NCKAP5: variants seen among roughly 807,000 people sequenced by gnomAD.
NCKAP5 encodes NCK associated protein 5.
In NCKAP5, 92 loss-of-function variants were observed where a neutral mutation model predicts 167.0. That is an observed-to-expected ratio of 0.55 (90% confidence interval 0.47 to 0.66). NCKAP5 has a LOEUF of 0.66. Among genes scored for constraint, NCKAP5 ranks in the 30% least tolerant of loss-of-function variants. The pLI, the probability that NCKAP5 is intolerant of heterozygous loss-of-function variation, is 0.00. For synonymous variants in NCKAP5, 891 were observed against 877.4 expected (o/e 1.02, Z -0.27); for missense variants, 2,378 against 2,315.0 (o/e 1.03, Z -0.56).
chr2:132,838,414 G>A (rs1012703356), intron 11 of NCKAP5, among the ~76,000 whole-genome samples: 3 of 152,174 alleles, frequency 2.0e-5, no homozygotes, highest in Admixed American at 1.3e-4. Flanking sequence ...GGTGGATCAC[G>A]AGGTCAGGAG....
At chr2:133,105,623 G>A (rs1422642742) in intron 6 of NCKAP5, among the ~76,000 whole-genome samples, 1 of 152,100 alleles carries the variant, frequency 6.6e-6, no homozygotes, top group African/African-American at 2.4e-5. Context: ...GCCAGACACA[G>A]CCCATCCACT....
chr2:133,486,394 G>A (rs941796747), intron 3 of NCKAP5, among the ~76,000 whole-genome samples: 12 of 152,116 alleles, frequency 7.9e-5, no homozygotes, highest in African/African-American at 2.7e-4. Flanking sequence ...TGGCTGCATC[G>A]TCATTTTCAC....
chr2:133,208,924 T>A lies in NCKAP5; in HGVS notation c.207+4792A>T, dbSNP rs897584073. 2.6e-5 allele frequency among the ~76,000 whole-genome samples: 4 copies of A among 152,184 alleles called. No individual in the cohort carries two copies. In the South Asian group the frequency reaches 8.3e-4, roughly 32 times the overall value. On this transcript the variant is annotated intron_variant, in intron 5 of 19. Transcript: ENST00000409261. ...CAGTCAAGTAATTGATGCAGGTTGA[T>A]ATGAGCATTTGTAATATGGTAAGGG...
chr2:132,687,721 A>ACACG (rs1686136584), intron 19 of NCKAP5, among the ~76,000 whole-genome samples: 1 of 135,182 alleles, frequency 7.4e-6, no homozygotes, highest in Non-Finnish European at 1.5e-5. Flanking sequence ...AAACACACAC[A>ACACG]CACACACACA....
intron 3 of NCKAP5, among the ~76,000 whole-genome samples, chr2:133,502,114 C>T (rs770644684): frequency 1.3e-5 from 2 of 152,202 alleles, no homozygotes; most frequent in Non-Finnish European, 2.9e-5. Flanking sequence ...AGAAGAAAGT[C>T]TTGGGTTTCC....
intron 3 of NCKAP5, among the ~76,000 whole-genome samples, chr2:133,369,983 T>G (rs1261397133): frequency 6.6e-6 from 1 of 152,198 alleles, no homozygotes; most frequent in East Asian, 1.9e-4. Flanking sequence ...CCTCTGAACC[T>G]TTAAACAGAC....
chr2:133,545,758 G>T (rs1016824024), intron 2 of NCKAP5, among the ~76,000 whole-genome samples: 3 of 152,158 alleles, frequency 2.0e-5, no homozygotes, highest in African/African-American at 7.2e-5. Context: ...AGCATAGAAG[G>T]GAGGAGGGGA....
intron 4 of NCKAP5, among the ~76,000 whole-genome samples, chr2:133,250,099 G>C (rs1165730621): frequency 6.6e-6 from 1 of 151,344 alleles, no homozygotes; most frequent in Non-Finnish European, 1.5e-5. Context: ...AAAACATCAG[G>C]ATCCTGAGAC....
chr2:133,619,237 A>T, the NCKAP5 span, among the ~76,000 whole-genome samples: 2 of 149,678 alleles, frequency 1.3e-5, no homozygotes, highest in Non-Finnish European at 3.0e-5. Context: ...GCGCACCAGC[A>T]TGGTACATGT....
chr2:133,631,594 G>T, the NCKAP5 span, among the ~76,000 whole-genome samples: 1 of 152,298 alleles, frequency 6.6e-6, no homozygotes, highest in Admixed American at 6.5e-5. Context: ...GGATAGAAAA[G>T]CCTAATCTTC....
the NCKAP5 span, among the ~76,000 whole-genome samples, chr2:133,618,718 T>G: frequency 6.6e-6 from 1 of 151,456 alleles, no homozygotes; most frequent in African/African-American, 2.4e-5. Context: ...GACTGTAAAC[T>G]AGTTCAACCA....
At chr2:133,056,942 A>G (rs1240595718) in intron 6 of NCKAP5, among the ~76,000 whole-genome samples, 1 of 152,198 alleles carries the variant, frequency 6.6e-6, no homozygotes, top group Non-Finnish European at 1.5e-5. Flanking sequence ...GATAAAGTGT[A>G]GTAGCACTAT....
chr2:133,506,222 T>A (rs1682993536), intron 3 of NCKAP5, among the ~76,000 whole-genome samples: 3 of 152,198 alleles, frequency 2.0e-5, no homozygotes. Flanking sequence ...CATCAAATTG[T>A]CTGGTGAAAC....
chr2:132,928,184 C>G (rs917639654), intron 8 of NCKAP5, among the ~76,000 whole-genome samples: 20 of 152,146 alleles, frequency 1.3e-4, no homozygotes, highest in African/African-American at 4.6e-4. Context: ...TAGTTAACTC[C>G]TCTGTGCCTC....
chr2:133,229,820 C>T (rs1008543471), intron 4 of NCKAP5, among the ~76,000 whole-genome samples: 1 of 152,056 alleles, frequency 6.6e-6, no homozygotes, highest in Non-Finnish European at 1.5e-5. Context: ...ACAAAACCTC[C>T]ATGAATTTCA....
intron 3 of NCKAP5, among the ~76,000 whole-genome samples, chr2:133,449,173 G>A (rs1232031772): frequency 6.6e-6 from 1 of 152,138 alleles, no homozygotes; most frequent in East Asian, 1.9e-4. Context: ...TTACATTCCT[G>A]TTGCCTATTG....
intron 6 of NCKAP5, among the ~76,000 whole-genome samples, chr2:132,999,668 T>A (rs143715454): frequency 2.4e-4 from 36 of 152,294 alleles, no homozygotes; most frequent in African/African-American, 7.2e-4. Context: ...TGTTGGAAAA[T>A]ATGGCTCCAA....
chr2:133,581,745 T>G, the NCKAP5 span, among the ~76,000 whole-genome samples: 2 of 152,198 alleles, frequency 1.3e-5, no homozygotes, highest in African/African-American at 4.8e-5. Flanking sequence ...ATCACAGACA[T>G]GCCCCTGGAA....
intron 3 of NCKAP5, among the ~76,000 whole-genome samples, chr2:133,320,503 C>T (rs955886764): frequency 6.6e-6 from 1 of 152,106 alleles, no homozygotes; most frequent in Non-Finnish European, 1.5e-5. Flanking sequence ...CCAAGGTGGG[C>T]AGATCACGAG....
Sources: allele counts gnomAD v4.1 joint callset (sites outside exome capture counted in the v4.1 genomes callset), GRCh38; gene constraint gnomAD v4.1.1; transcripts MANE v1.5; gene names NCBI Gene and HGNC (gene_info 2026-07-23, HGNC 2026-07-21).